The following ARID3B variants were observed in gnomAD, a reference collection of about 807,000 sequenced individuals.
The protein encoded by ARID3B is AT-rich interactive domain-containing protein 3B.
ARID3B carries 10 observed loss-of-function variants against 51.9 expected under a neutral mutation model. The ratio of observed to expected loss-of-function variants is 0.19; its 90% confidence interval spans 0.12 to 0.33. The LOEUF (loss-of-function observed/expected upper bound fraction) is 0.33, where lower values mean the gene tolerates loss of function less well. Ranked by LOEUF, ARID3B falls within the 10% of genes least tolerant of loss-of-function variation. ARID3B has a pLI of 1.00. For missense variants in ARID3B, 483 were observed against 716.3 expected, an observed-to-expected ratio of 0.67 and a Z score of 3.72; for synonymous variants, 205 against 279.5, an observed-to-expected ratio of 0.73 and a Z score of 2.66.
In ARID3B at chr15:74,579,864, TGTGTGTGTGC is replaced by T. The variant is rs1462778959; in HGVS notation, c.697+6662_697+6671del. 3.4e-3 allele frequency among the ~76,000 whole-genome samples: 458 copies of T among 136,242 alleles called. 2 individuals are homozygous for T. Among genetic ancestry groups the T allele is most frequent in the African/African-American group, 0.012 (419 of 36,218 alleles). The allele number at this position is 136,242 out of a possible 152,430, so 89.4% of individuals were successfully genotyped here. A position where few individuals can be genotyped will look rare whatever the true frequency, so the allele number is the denominator to read the frequency against. On this transcript the variant is annotated intron_variant, in intron 4 of 8. Coordinates refer to ENST00000346246, the MANE Select transcript of ARID3B (RefSeq NM_006465.4). ...GTGTGTGTGTGTGTGTGTGTGTGTG[TGTGTGTGTGC>T]GCGCGCGCGCACACGCAAAAAATAC... is the stretch of plus-strand genomic sequence containing the variant.
intron 4 of ARID3B, among the ~76,000 whole-genome samples, chr15:74,581,338 A>G (rs7497036): frequency 0.12 from 17,979 of 152,226 alleles, 1,915 homozygotes; most frequent in East Asian, 0.42. Context: ...GTGCTTATCT[A>G]TCCATCTCAG....
chr15:74,567,097 C>T (rs1024974685), intron 2 of ARID3B, among the ~76,000 whole-genome samples: 3 of 152,152 alleles, frequency 2.0e-5, no homozygotes, highest in African/African-American at 7.2e-5. Flanking sequence ...AGAAAACATC[C>T]ACTGCCTCCC....
intron 4 of ARID3B, among the ~76,000 whole-genome samples, chr15:74,589,173 G>T (rs1161076873): frequency 6.6e-6 from 1 of 151,552 alleles, no homozygotes. Flanking sequence ...GACTACAGGC[G>T]CCTGCCACCA....
chr15:74,589,756 C>A, intron 4 of ARID3B, 64 bp from the exon 5 acceptor site: 1 of 1,501,992 alleles, frequency 6.7e-7, no homozygotes, highest in South Asian at 1.2e-5. Flanking sequence ...TGGGCATACA[C>A]GGAATCTTTC....
intron 2 of ARID3B, among the ~76,000 whole-genome samples, chr15:74,551,624 C>G (rs192324410): frequency 8.5e-5 from 13 of 152,302 alleles, no homozygotes; most frequent in Admixed American, 1.3e-4. Context: ...CATCTTCTCT[C>G]TGTCAGACTT....
intron 4 of ARID3B, among the ~76,000 whole-genome samples, chr15:74,580,158 G>A (rs1006601668): frequency 2.6e-5 from 4 of 152,056 alleles, no homozygotes; most frequent in South Asian, 2.1e-4. Flanking sequence ...ACCACAGCCT[G>A]AGCAACAGAA....
At chr15:74,587,749 A>G (rs559273722) in intron 4 of ARID3B, among the ~76,000 whole-genome samples, 25 of 152,156 alleles carry the variant, frequency 1.6e-4, no homozygotes, top group African/African-American at 6.0e-4. Context: ...GGTAGGGGGA[A>G]GGTTTACTGT....
At chr15:74,570,571 C>A (rs181339939) in intron 2 of ARID3B, among the ~76,000 whole-genome samples, 1 of 151,010 alleles carries the variant, frequency 6.6e-6, no homozygotes, top group Admixed American at 6.6e-5. Context: ...GAGCTCTCGC[C>A]AGAGAATTGG....
chr15:74,594,385 T>C (rs1190230560), intron 8 of ARID3B, among the ~76,000 whole-genome samples: 2 of 152,126 alleles, frequency 1.3e-5, no homozygotes, highest in Non-Finnish European at 2.9e-5. Flanking sequence ...GAGGCAGAGC[T>C]TGCAGTGAGC....
chr15:74,541,704 G>T (rs1468575749), intron 1 of ARID3B, among the ~76,000 whole-genome samples: 1 of 151,982 alleles, frequency 6.6e-6, no homozygotes, highest in Non-Finnish European at 1.5e-5. Context: ...GGCGTGCAGG[G>T]GTGACCGGGA....
At chr15:74,583,624 GGAGAATCGCTT>G in intron 4 of ARID3B, among the ~76,000 whole-genome samples, 1 of 152,146 alleles carries the variant, frequency 6.6e-6, no homozygotes, top group Non-Finnish European at 1.5e-5. Flanking sequence ...GCCGGAGGCA[GGAGAATCGCTT>G]GAACCTGGGA....
At chr15:74,564,105 T>C (rs1176876715) in intron 2 of ARID3B, among the ~76,000 whole-genome samples, 1 of 152,214 alleles carries the variant, frequency 6.6e-6, no homozygotes, top group African/African-American at 2.4e-5. Context: ...GTGCATCTGA[T>C]AATTATAACT....
At chr15:74,583,676 T>G (rs1397217095) in intron 4 of ARID3B, among the ~76,000 whole-genome samples, 1 of 150,808 alleles carries the variant, frequency 6.6e-6, no homozygotes, top group Non-Finnish European at 1.5e-5. Context: ...AAGATCACAC[T>G]ACTGCACTCC....
At chr15:74,561,865 G>A (rs2061680604) in intron 2 of ARID3B, among the ~76,000 whole-genome samples, 1 of 152,022 alleles carries the variant, frequency 6.6e-6, no homozygotes, top group Non-Finnish European at 1.5e-5. Context: ...CAACTATTCT[G>A]TTTATCCTCT....
At chr15:74,549,702 T>G (rs2061629381) in intron 2 of ARID3B, among the ~76,000 whole-genome samples, 1 of 152,206 alleles carries the variant, frequency 6.6e-6, no homozygotes, top group Non-Finnish European at 1.5e-5. Flanking sequence ...TAGAGCTACC[T>G]TGCATGCCCT....
At chr15:74,548,278 T>C (rs1374619932) in intron 2 of ARID3B, among the ~76,000 whole-genome samples, 4 of 152,228 alleles carry the variant, frequency 2.6e-5, no homozygotes, top group Admixed American at 2.6e-4. Context: ...AGGCTGGGTC[T>C]GTCTTGAGCC....
intron 2 of ARID3B, among the ~76,000 whole-genome samples, chr15:74,553,783 TTTTTG>T (rs1279435389): frequency 2.0e-5 from 3 of 151,860 alleles, no homozygotes; most frequent in African/African-American, 7.2e-5. Context: ...TGCCCTCTTT[TTTTTG>T]TTTTGTTTTT....
chr15:74,594,408 A>C (rs1381022398), intron 8 of ARID3B, among the ~76,000 whole-genome samples: 4 of 152,266 alleles, frequency 2.6e-5, no homozygotes, highest in Non-Finnish European at 4.4e-5. Context: ...AGATCGCGCC[A>C]CTGCACTCCA....
At chr15:74,571,610 T>C (rs892088270) in intron 2 of ARID3B, among the ~76,000 whole-genome samples, 2 of 152,218 alleles carry the variant, frequency 1.3e-5, no homozygotes, top group African/African-American at 4.8e-5. Context: ...GCTTAATTGG[T>C]GTGCCAGGCA....
Sources: gnomAD v4.1 joint callset for allele counts (sites outside exome capture counted in the v4.1 genomes callset) on GRCh38, gnomAD v4.1.1 for gene constraint, MANE v1.5 for transcripts, NCBI Gene and HGNC (gene_info 2026-07-23, HGNC 2026-07-21) for gene names.